NAV2: variants seen among roughly 807,000 people sequenced by gnomAD.
NAV2 encodes the protein neuron navigator 2.
NAV2 carries 54 observed loss-of-function variants against 223.2 expected under a neutral mutation model. The ratio of observed to expected loss-of-function variants is 0.24; its 90% CI spans 0.19 to 0.30. The LOEUF is 0.30. Ranked by LOEUF, NAV2 falls within the 10% of genes least tolerant of loss-of-function variation. The pLI is 1.00. For synonymous variants in NAV2, 1,279 were observed against 1,239.3 expected (o/e 1.03, Z -0.67); for missense variants, 2,806 against 3,147.5 (o/e 0.89, Z 2.60).
At chr11:19,750,070 A>G (rs923951923) in intron 1 of NAV2, among the ~76,000 whole-genome samples, 1 of 152,240 alleles carries the variant, frequency 6.6e-6, no homozygotes, top group African/African-American at 2.4e-5. Flanking sequence ...TCTCAATTCC[A>G]TAAAGTTCGG....
intron 3 of NAV2, among the ~76,000 whole-genome samples, chr11:19,859,167 A>ATTTTTTTT (rs2061550581): frequency 2.3e-4 from 18 of 78,534 alleles, no homozygotes; most frequent in African/African-American, 4.8e-4. Flanking sequence ...TTTATTGATC[A>ATTTTTTTT]TTCTTGGGTG....
At chr11:19,770,454 A>C (rs1215560437) in intron 1 of NAV2, among the ~76,000 whole-genome samples, 1 of 152,036 alleles carries the variant, frequency 6.6e-6, no homozygotes, top group Non-Finnish European at 1.5e-5. Context: ...AGGTCTCCCA[A>C]AGATTGCACA....
intron 1 of NAV2, among the ~76,000 whole-genome samples, chr11:19,564,199 G>A (rs2045191678): frequency 1.3e-5 from 2 of 152,148 alleles, no homozygotes; most frequent in South Asian, 4.1e-4. Flanking sequence ...CCACCAGCAG[G>A]GGGAAGCATA....
At position 20,107,378 on chromosome 11, in the gene NAV2, G is replaced by C. The variant is rs552423727; in HGVS notation, c.6842-286G>C. 4 of 340,978 alleles carry C rather than the reference G, an allele frequency of 1.2e-5. No homozygotes were observed. The South Asian group carries it at 1.6e-4, about 13-fold the overall frequency. The allele number at this position is 340,978 out of a possible 1,614,324, so 21.1% of individuals were successfully genotyped here. On this transcript the variant is annotated intron_variant, in intron 35 of 37. Transcript: ENST00000349880. Reference sequence around the variant, plus strand: ...TGGGATTATAGGCGTGAGCCACTGCGCATGGGCTTCCATTTTTAAAAATCA... The same window carrying C: ...TGGGATTATAGGCGTGAGCCACTGCCCATGGGCTTCCATTTTTAAAAATCA...
upstream of NAV2, among the ~76,000 whole-genome samples, chr11:19,346,423 G>A (rs549118284): frequency 2.0e-5 from 3 of 152,314 alleles, no homozygotes; most frequent in Admixed American, 1.3e-4. Context: ...CCACGCTCCG[G>A]TTAGCTGCGG....
intron 36 of NAV2, among the ~76,000 whole-genome samples, chr11:20,113,907 G>A (rs1209837040): frequency 2.0e-5 from 3 of 152,204 alleles, no homozygotes; most frequent in Non-Finnish European, 4.4e-5. Flanking sequence ...AGCTACTTGG[G>A]AGGCTGAGGC....
At chr11:19,563,244 C>T (rs374089446) in intron 1 of NAV2, among the ~76,000 whole-genome samples, 2 of 152,216 alleles carry the variant, frequency 1.3e-5, no homozygotes, top group African/African-American at 4.8e-5. Context: ...GCCCAATAGT[C>T]AGGACAACAC....
intron 1 of NAV2, among the ~76,000 whole-genome samples, chr11:19,580,126 G>T (rs938750664): frequency 1.3e-5 from 2 of 152,190 alleles, no homozygotes; most frequent in South Asian, 4.2e-4. Context: ...TGACCCAACC[G>T]GGGGGTGGGG....
intron 1 of NAV2, among the ~76,000 whole-genome samples, chr11:19,680,373 G>A (rs1256644281): frequency 6.6e-6 from 1 of 152,186 alleles, no homozygotes; most frequent in Non-Finnish European, 1.5e-5. Flanking sequence ...TCCCGTAACC[G>A]CCTGAGTAAA....
intron 1 of NAV2, among the ~76,000 whole-genome samples, chr11:19,368,001 C>A (rs548321153): frequency 5.3e-5 from 8 of 152,270 alleles, no homozygotes; most frequent in African/African-American, 1.9e-4. Flanking sequence ...CACATGGCTC[C>A]CGTGTCATTC....
chr11:20,091,527 A>C (rs2060849530), intron 27 of NAV2, among the ~76,000 whole-genome samples: 1 of 152,090 alleles, frequency 6.6e-6, no homozygotes, highest in African/African-American at 2.4e-5. Flanking sequence ...TAGTACCCTT[A>C]TCTGAGTATT....
At position 19,628,582 on chromosome 11, in the gene NAV2, G is replaced by A. The variant is rs553457049; in HGVS notation, c.76-203902G>A. 3.2e-4 allele frequency among the ~76,000 whole-genome samples: 48 copies of A among 152,282 alleles called. 2 individuals are homozygous for A. In the South Asian group the frequency reaches 1.0e-2, roughly 32 times the overall value. ...TGGCCATGCACTCATCTACATTCAGGTGTACACATGTAACTCACAGATCCT... is the reference window on the plus strand; with the variant it reads ...TGGCCATGCACTCATCTACATTCAGATGTACACATGTAACTCACAGATCCT... On this transcript the variant is annotated intron_variant, in intron 1 of 37. Coordinates refer to the NAV2 transcript ENST00000360655.
intron 36 of NAV2, among the ~76,000 whole-genome samples, chr11:20,108,136 A>T (rs1165945816): frequency 6.6e-6 from 1 of 152,238 alleles, no homozygotes; most frequent in Non-Finnish European, 1.5e-5. Context: ...TTTGCAAAAT[A>T]TTCTCCTATC....
chr11:19,821,186 C>T (rs892064011), intron 1 of NAV2, among the ~76,000 whole-genome samples: 1 of 150,816 alleles, frequency 6.6e-6, no homozygotes, highest in Non-Finnish European at 1.5e-5. Context: ...GGTGTGAACC[C>T]GGGAGGCGGA....
rs1030829277 is a variant in NAV2, at chr11:20,023,555, G to A, written c.2769-12404G>A. On this transcript the variant is annotated intron_variant, in intron 11 of 37. Transcript: ENST00000349880. ...GCTGGTGGGGGCAGTACAGAGGGGT[G>A]AGCCGGAAAAAGGCAGTGTGGCCCC... 1.5e-4 allele frequency among the ~76,000 whole-genome samples: 23 copies of A among 152,264 alleles called. No individual in the cohort carries two copies. In the South Asian group the frequency reaches 4.6e-3, roughly 30 times the overall value.
chr11:20,045,053 C>T lies in NAV2; in HGVS notation c.3285C>T (p.Gly1095=). 1 of 1,614,116 alleles carries T rather than the reference C, an allele frequency of 6.2e-7. No homozygotes were observed. The highest frequency in any genetic ancestry group is 1.3e-5 in the African/African-American group (1 of 75,016). The part of the protein sequence containing the change: ...SQVKRSPSDA[G]RSSGDESKKP... ...TGAAGCGCTCCCCATCAGATGCAGG[C>T]CGGAGCAGTGGTGACGAATCCAAAA... is the stretch of plus-strand genomic sequence containing the variant. The change falls in exon 14 of 38, where the codon GGC becomes GGT. Residue 1095 remains glycine, a synonymous_variant. Coordinates refer to ENST00000349880, the MANE Select transcript of NAV2 (RefSeq NM_145117.5).
intron 6 of NAV2, among the ~76,000 whole-genome samples, chr11:19,900,479 C>T (rs143228076): frequency 6.6e-6 from 1 of 152,136 alleles, no homozygotes; most frequent in Non-Finnish European, 1.5e-5. Flanking sequence ...CTCAAAAGAC[C>T]ATCACAGGCC....
At chr11:19,469,658 A>G (rs969523505) in intron 1 of NAV2, among the ~76,000 whole-genome samples, 24 of 152,338 alleles carry the variant, frequency 1.6e-4, no homozygotes, top group African/African-American at 5.8e-4. Flanking sequence ...AAAACCTGGC[A>G]GGAATTTGAA....
At chr11:19,448,750 G>T (rs139370448) in intron 1 of NAV2, among the ~76,000 whole-genome samples, 14 of 152,340 alleles carry the variant, frequency 9.2e-5, no homozygotes, top group Admixed American at 2.6e-4. Flanking sequence ...GGGCATGCTG[G>T]ATATTGCCTA....
Sources: allele counts gnomAD v4.1 joint callset (sites outside exome capture counted in the v4.1 genomes callset), GRCh38; gene constraint gnomAD v4.1.1; transcripts MANE v1.5; gene names NCBI Gene and HGNC (gene_info 2026-07-23, HGNC 2026-07-21).